Variants in VAV3 observed in about 807,000 individuals in gnomAD.
VAV3 encodes guanine nucleotide exchange factor VAV3.
Under a neutral mutation model 131.2 loss-of-function variants are expected in VAV3, and 94 were observed. That is an observed-to-expected ratio of 0.72 (90% CI 0.61 to 0.85). The LOEUF (loss-of-function observed/expected upper bound fraction) is 0.85. Among genes scored for constraint, VAV3 ranks in the 40% least tolerant of loss-of-function variants. VAV3 has a pLI of 0.00. For synonymous variants in VAV3, 349 were observed against 342.0 expected, an observed-to-expected ratio of 1.02 and a Z score of -0.22; for missense variants, 939 against 1,002.7, an observed-to-expected ratio of 0.94 and a Z score of 0.86.
intron 2 of VAV3, among the ~76,000 whole-genome samples, chr1:107,830,253 A>G (rs1668195523): frequency 6.6e-6 from 1 of 151,346 alleles, no homozygotes; most frequent in African/African-American, 2.4e-5. Flanking sequence ...CCCAGGGTGG[A>G]GGGCAGTGAT....
chr1:107,699,737 C>T (rs879845166), intron 17 of VAV3, among the ~76,000 whole-genome samples: 22 of 147,994 alleles, frequency 1.5e-4, no homozygotes, highest in Non-Finnish European at 1.2e-4. Flanking sequence ...CTTTCTCTCT[C>T]TTTTTTTTTT....
chr1:107,830,150 G>A (rs113382766), intron 2 of VAV3, among the ~76,000 whole-genome samples: 31 of 152,166 alleles, frequency 2.0e-4, no homozygotes, highest in African/African-American at 7.5e-4. Flanking sequence ...TAGAAACTAT[G>A]AGTTTCTCAT....
At chr1:107,949,747 T>G (rs939353813) in intron 1 of VAV3, among the ~76,000 whole-genome samples, 14 of 152,210 alleles carry the variant, frequency 9.2e-5, no homozygotes, top group African/African-American at 3.1e-4. Context: ...CACACACAGT[T>G]CTATTTGTCA....
chr1:107,885,153 G>A (rs747178288), intron 1 of VAV3, among the ~76,000 whole-genome samples: 10 of 152,112 alleles, frequency 6.6e-5, no homozygotes, highest in South Asian at 2.1e-4. Context: ...AACAAGAATC[G>A]CCATGCTTGC....
intron 4 of VAV3, among the ~76,000 whole-genome samples, chr1:107,774,312 C>T (rs1214173978): frequency 6.6e-6 from 1 of 152,114 alleles, no homozygotes; most frequent in Non-Finnish European, 1.5e-5. Context: ...GGTGATCTGC[C>T]CACCTCAGCC....
In VAV3 at chr1:107,673,430, C is replaced by T. The variant is rs181435960; in HGVS notation, c.1777+10058G>A. Among the ~76,000 whole-genome samples the T allele has an allele frequency of 2.0e-5, 3 of 152,296 alleles. No homozygotes were observed. In the East Asian group the frequency reaches 5.8e-4, roughly 29 times the overall value. The stretch of plus-strand genomic sequence containing the variant: ...TCAGGGCCTTTCTTGGAGCTGTTCC[C>T]TCTGCCTGCAACCCTCTTCTCTCCA... On this transcript the variant is annotated intron_variant, in intron 19 of 26. Transcript: ENST00000370056.
At chr1:107,661,422 G>C (rs929364312) in intron 19 of VAV3, among the ~76,000 whole-genome samples, 2 of 152,090 alleles carry the variant, frequency 1.3e-5, no homozygotes, top group Non-Finnish European at 2.9e-5. Context: ...CAATGTCTTC[G>C]CAACCCTCCC....
At chr1:107,609,230 C>A (rs1429833335) in intron 22 of VAV3, among the ~76,000 whole-genome samples, 2 of 152,100 alleles carry the variant, frequency 1.3e-5, no homozygotes, top group Non-Finnish European at 2.9e-5. Flanking sequence ...ATACTAAATC[C>A]TAAATATATT....
chr1:107,589,065 C>T (rs1022677989), intron 25 of VAV3, among the ~76,000 whole-genome samples: 1 of 151,942 alleles, frequency 6.6e-6, no homozygotes, highest in Admixed American at 6.6e-5. Flanking sequence ...TGCCTGACTG[C>T]TGTAATAATG....
chr1:107,710,482 T>C (rs1352278693), intron 15 of VAV3, among the ~76,000 whole-genome samples: 1 of 152,162 alleles, frequency 6.6e-6, no homozygotes, highest in Admixed American at 6.6e-5. Flanking sequence ...AATATATATT[T>C]TGGCCAACAG....
intron 1 of VAV3, among the ~76,000 whole-genome samples, chr1:107,893,214 T>C (rs1321512534): frequency 6.6e-6 from 1 of 152,208 alleles, no homozygotes; most frequent in African/African-American, 2.4e-5. Flanking sequence ...AGCAAGATTA[T>C]ATAATAACAT....
intron 15 of VAV3, among the ~76,000 whole-genome samples, chr1:107,716,129 T>C (rs1661077392): frequency 6.6e-6 from 1 of 152,236 alleles, no homozygotes. Flanking sequence ...TGGTTTTATA[T>C]AAAACTCTAT....
At chr1:107,694,238 T>C (rs72705616) in intron 17 of VAV3, among the ~76,000 whole-genome samples, 39,993 of 152,134 alleles carry the variant, frequency 0.26, 6,444 homozygotes, top group East Asian at 0.44. Context: ...CGGTTAATGA[T>C]TGGCAAAGAG....
chr1:107,766,350 A>T, intron 8 of VAV3, 97 bp downstream of exon 8: 1 of 759,410 alleles, frequency 1.3e-6, no homozygotes, highest in Non-Finnish European at 2.2e-6. Flanking sequence ...GTAGTAATGT[A>T]ATAAACAGCA....
At chr1:107,707,396 C>T (rs941887647) in intron 15 of VAV3, among the ~76,000 whole-genome samples, 6 of 152,108 alleles carry the variant, frequency 3.9e-5, no homozygotes, top group African/African-American at 1.4e-4. Flanking sequence ...AACAGGAATA[C>T]CAATAAAACC....
At chr1:107,906,583 G>A (rs530406263) in intron 1 of VAV3, among the ~76,000 whole-genome samples, 176 of 152,084 alleles carry the variant, frequency 1.2e-3, no homozygotes, top group African/African-American at 3.6e-3. Flanking sequence ...GGAGAATGGC[G>A]TGAACCCAAG....
chr1:107,766,648 G>A, intron 7 of VAV3, 98 bp from the exon 8 acceptor site: 1 of 834,234 alleles, frequency 1.2e-6, no homozygotes, highest in Non-Finnish European at 2.0e-6. Context: ...TGCCACTCAG[G>A]ATATGCTGAA....
chr1:107,871,809 G>A (rs1308904913), intron 2 of VAV3, among the ~76,000 whole-genome samples: 5 of 152,108 alleles, frequency 3.3e-5, no homozygotes, highest in Non-Finnish European at 7.4e-5. Flanking sequence ...CTTGGACAAA[G>A]TTTAGTGAGC....
chr1:107,612,548 A>G (rs905409103), intron 21 of VAV3, among the ~76,000 whole-genome samples: 5 of 152,042 alleles, frequency 3.3e-5, no homozygotes, highest in Non-Finnish European at 7.4e-5. Flanking sequence ...TCTTTTCCTA[A>G]GTCATCAAAC....
Sources: allele counts gnomAD v4.1 joint callset (sites outside exome capture counted in the v4.1 genomes callset), GRCh38; gene constraint gnomAD v4.1.1; transcripts MANE v1.5; gene names NCBI Gene and HGNC (gene_info 2026-07-23, HGNC 2026-07-21).